Variants in CAST observed in about 807,000 individuals in gnomAD.
CAST encodes MIR583 host.
CAST carries 76 observed loss-of-function variants against 119.6 expected under a neutral mutation model. The ratio of observed to expected loss-of-function variants is 0.64; its 90% CI spans 0.53 to 0.77. The LOEUF (loss-of-function observed/expected upper bound fraction) is 0.77, where lower values mean the gene tolerates loss of function less well. CAST is among the 30% of genes least tolerant of loss of function. The pLI, the probability that CAST is intolerant of heterozygous loss-of-function variation, is 0.00. For missense variants in CAST, 953 were observed against 946.5 expected (o/e 1.01, Z -0.09); for synonymous variants, 319 against 331.6 (o/e 0.96, Z 0.41).
intron 15 of CAST, 157 bp from the exon 16 acceptor site, chr5:96,742,498 T>C (rs772346923): frequency 5.0e-6 from 3 of 604,718 alleles, no homozygotes; most frequent in Non-Finnish European, 9.0e-6. Context: ...TTTTCCTTTC[T>C]CTCTTTTGCA....
At chr5:96,193,160 C>CT in the CAST span, among the ~76,000 whole-genome samples, 10 of 151,680 alleles carry the variant, frequency 6.6e-5, no homozygotes, top group East Asian at 3.9e-4. Context: ...TTCCTTTCTC[C>CT]TTTTTTTTGT....
the CAST span, among the ~76,000 whole-genome samples, chr5:96,099,162 G>A: frequency 6.6e-5 from 10 of 152,126 alleles, no homozygotes; most frequent in South Asian, 2.1e-3. Flanking sequence ...GTGATTTTTG[G>A]ACATTAATTT....
At chr5:96,139,687 G>A in the CAST span, among the ~76,000 whole-genome samples, 3 of 151,638 alleles carry the variant, frequency 2.0e-5, no homozygotes, top group African/African-American at 7.3e-5. Context: ...GAACAAAAGT[G>A]GCCAGGATAT....
intron 1 of CAST, among the ~76,000 whole-genome samples, chr5:96,595,095 G>T (rs948773173): frequency 6.6e-6 from 1 of 152,144 alleles, no homozygotes; most frequent in South Asian, 2.1e-4. Flanking sequence ...TTATATCTTG[G>T]AATCATTCAT....
At chr5:96,570,657 C>T (rs1050639905) in intron 1 of CAST, among the ~76,000 whole-genome samples, 1 of 152,110 alleles carries the variant, frequency 6.6e-6, no homozygotes, top group Non-Finnish European at 1.5e-5. Flanking sequence ...TGCCCTATAG[C>T]GAGTTTCTCC....
chr5:96,124,403 T>C, the CAST span, among the ~76,000 whole-genome samples: 1 of 152,170 alleles, frequency 6.6e-6, no homozygotes, highest in Non-Finnish European at 1.5e-5. Context: ...ATTAAGACAG[T>C]TGAATTCTAT....
chr5:96,543,089 T>C (rs1745942665), intron 1 of CAST, among the ~76,000 whole-genome samples: 1 of 152,210 alleles, frequency 6.6e-6, no homozygotes, highest in Non-Finnish European at 1.5e-5. Context: ...CACACATATG[T>C]TTATTGCAGC....
At chr5:96,233,849 C>T in the CAST span, among the ~76,000 whole-genome samples, 1 of 152,058 alleles carries the variant, frequency 6.6e-6, no homozygotes, top group Non-Finnish European at 1.5e-5. Context: ...CGTGTATAAT[C>T]AGACACTGTA....
chr5:96,706,641 T>C (rs1227093471), intron 3 of CAST, among the ~76,000 whole-genome samples: 2 of 152,218 alleles, frequency 1.3e-5, no homozygotes, highest in Non-Finnish European at 2.9e-5. Flanking sequence ...AAGGCAGGAC[T>C]GCTTATAAGT....
upstream of CAST, among the ~76,000 whole-genome samples, chr5:96,657,874 A>G (rs953149812): frequency 6.6e-6 from 1 of 152,192 alleles, no homozygotes; most frequent in African/African-American, 2.4e-5. Flanking sequence ...AGGCGAGTGG[A>G]TCACATGAGG....
At chr5:96,406,579 A>T in the CAST span, among the ~76,000 whole-genome samples, 1 of 152,052 alleles carries the variant, frequency 6.6e-6, no homozygotes, top group Non-Finnish European at 1.5e-5. Flanking sequence ...CCAGGAATAT[A>T]CCCCATCTCC....
the CAST span, among the ~76,000 whole-genome samples, chr5:96,049,892 A>AG: frequency 8.5e-6 from 1 of 117,622 alleles, no homozygotes; most frequent in Non-Finnish European, 1.7e-5. Flanking sequence ...CAGGAGGCAA[A>AG]AAAAAAAAAA....
intron 1 of CAST, among the ~76,000 whole-genome samples, chr5:96,579,239 C>T (rs1369930519): frequency 6.6e-6 from 1 of 152,144 alleles, no homozygotes; most frequent in Non-Finnish European, 1.5e-5. Flanking sequence ...AATCCTCTTA[C>T]AAATATGCCC....
chr5:96,013,166 T>C, the CAST span, among the ~76,000 whole-genome samples: 1 of 151,866 alleles, frequency 6.6e-6, no homozygotes, highest in South Asian at 2.1e-4. Context: ...ATTCACTTGA[T>C]TCAAAAATAA....
the CAST span, among the ~76,000 whole-genome samples, chr5:96,388,299 G>A: frequency 6.6e-6 from 1 of 152,236 alleles, no homozygotes; most frequent in Non-Finnish European, 1.5e-5. Flanking sequence ...TAGTTAGACT[G>A]TTCTCTCTCA....
chr5:96,477,594 C>T, the CAST span, among the ~76,000 whole-genome samples: 143 of 152,290 alleles, frequency 9.4e-4, no homozygotes, highest in African/African-American at 3.4e-3. Context: ...ACTCCTAGGA[C>T]ATTATATTTG....
intron 1 of CAST, among the ~76,000 whole-genome samples, chr5:96,557,896 C>A (rs1321711448): frequency 6.6e-6 from 1 of 152,094 alleles, no homozygotes; most frequent in Non-Finnish European, 1.5e-5. Flanking sequence ...AATCAACACA[C>A]TATACATTCT....
the CAST span, among the ~76,000 whole-genome samples, chr5:96,035,753 GTGTGTT>G: frequency 9.7e-6 from 1 of 103,212 alleles, no homozygotes; most frequent in Non-Finnish European, 2.4e-5. Flanking sequence ...GTGTGTGTCT[GTGTGTT>G]TGTGTGTGTG....
At chr5:96,108,009 AT>A in the CAST span, among the ~76,000 whole-genome samples, 1 of 151,720 alleles carries the variant, frequency 6.6e-6, no homozygotes, top group Non-Finnish European at 1.5e-5. Flanking sequence ...CTTCCAGTTG[AT>A]CGCATCGGCT....
Sources: allele counts gnomAD v4.1 joint callset (sites outside exome capture counted in the v4.1 genomes callset), GRCh38; gene constraint gnomAD v4.1.1; transcripts MANE v1.5; gene names NCBI Gene and HGNC (gene_info 2026-07-23, HGNC 2026-07-21).